PC: variants seen among roughly 807,000 people sequenced by gnomAD.
The protein encoded by PC is pyruvate carboxylase, mitochondrial.
In PC, 46 loss-of-function variants were observed where a neutral mutation model predicts 107.8. The ratio of observed to expected loss-of-function variants is 0.43; its 90% CI spans 0.34 to 0.55. The LOEUF is 0.55. PC is among the 20% of genes least tolerant of loss of function. The pLI is 0.04. For synonymous variants in PC, 662 were observed against 684.7 expected, an observed-to-expected ratio of 0.97 and a Z score of 0.52; for missense variants, 1,241 against 1,643.1, an observed-to-expected ratio of 0.76 and a Z score of 4.23.
chr11:66,951,981 G>T (rs528941246), intron 3 of PC, among the ~76,000 whole-genome samples: 1 of 152,030 alleles, frequency 6.6e-6, no homozygotes, highest in Admixed American at 6.5e-5. Flanking sequence ...CTTTTTCCCC[G>T]TTGTTACCGT....
chr11:66,882,651 C>T (rs1333742633), intron 3 of PC, among the ~76,000 whole-genome samples: 1 of 152,238 alleles, frequency 6.6e-6, no homozygotes. Context: ...AGGCTGTGCC[C>T]CTAGCCCCAG....
chr11:66,948,089 T>C (rs985810708), intron 3 of PC, among the ~76,000 whole-genome samples: 2 of 151,274 alleles, frequency 1.3e-5, no homozygotes, highest in Admixed American at 1.3e-4. Context: ...GGCACACACC[T>C]GTAGTTCCAG....
chr11:66,952,433 T>C lies in PC; in HGVS notation c.-4A>G, dbSNP rs1949461226. The C allele has an allele frequency of 6.6e-6, 1 of 152,200 alleles. No homozygotes were observed. The highest frequency in any genetic ancestry group is 2.1e-4 in the South Asian group (1 of 4,832). The allele number at this position is 152,200 out of a possible 1,614,324, so 9.4% of individuals were successfully genotyped here. A position where few individuals can be genotyped will look rare whatever the true frequency, so the allele number is the denominator to read the frequency against. On this transcript the variant is annotated 5_prime_UTR_variant, in exon 3 of 23. Coordinates refer to ENST00000393960, the MANE Select transcript of PC (RefSeq NM_001040716.2). ...TGGATTCAGGCACAGGACTTACCCT[T>C]AGTGTTTGGTCAGCTCTCCAGAAGG...
At chr11:66,943,755 CAAAAAAAAA>C (rs34245785) in intron 3 of PC, among the ~76,000 whole-genome samples, 41 of 17,578 alleles carry the variant, frequency 2.3e-3, no homozygotes, top group South Asian at 6.9e-3. Flanking sequence ...GACTCCGGCT[CAAAAAAAAA>C]AAAAAAAAAA....
intron 3 of PC, among the ~76,000 whole-genome samples, chr11:66,890,944 A>G (rs1947552982): frequency 6.6e-6 from 1 of 152,174 alleles, no homozygotes; most frequent in Non-Finnish European, 1.5e-5. Context: ...GTAGTCGATT[A>G]AAAGTGTTAA....
intron 3 of PC, among the ~76,000 whole-genome samples, chr11:66,889,849 C>T (rs902329661): frequency 2.0e-5 from 3 of 152,152 alleles, no homozygotes; most frequent in Non-Finnish European, 4.4e-5. Flanking sequence ...TTGTTGATTT[C>T]ACCTGGATAT....
At chr11:66,876,617 C>A (rs1280694328) in intron 3 of PC, among the ~76,000 whole-genome samples, 1 of 152,078 alleles carries the variant, frequency 6.6e-6, no homozygotes. Context: ...TATCACCCTG[C>A]TATCTCCCAC....
Position 66,871,967 on chromosome 11 carries a change from G to A in PC, c.136+57C>T. 6.4e-7 allele frequency: 1 copy of A among 1,561,984 alleles called. No individual in the cohort carries two copies. The highest frequency in any genetic ancestry group is 8.7e-7 in the Non-Finnish European group (1 of 1,153,296). ...GGGCCTGGGGCAGTGAGTGGGAGAA[G>A]AATGCCAAGGCTGGGGCGGCCATGA... is the stretch of plus-strand genomic sequence containing the variant. On this transcript the variant is annotated intron_variant, in intron 4 of 22. Transcript: ENST00000393960. The surrounding 1 kb of genome is among the most constrained non-coding windows in gnomAD (Gnocchi z 7.4).
At chr11:66,864,603 G>A (rs942124852) in intron 11 of PC, among the ~76,000 whole-genome samples, 1 of 152,244 alleles carries the variant, frequency 6.6e-6, no homozygotes, top group African/African-American at 2.4e-5. Flanking sequence ...GGAAGTGGGA[G>A]AGGAAATGAA....
In PC at chr11:66,850,669, C is replaced by A; in HGVS notation, c.2473+5G>T. 6.2e-7 allele frequency: 1 copy of A among 1,608,174 alleles called. No individual in the cohort carries two copies. The highest frequency in any genetic ancestry group is 8.5e-7 in the Non-Finnish European group (1 of 1,179,766). The stretch of plus-strand genomic sequence containing the variant: ...GGTGTGGCCACGGGCTGCTGTTCTT[C>A]CTACCTGTGTCCAGGGGAGTCCCTC... On this transcript the variant is annotated splice_donor_5th_base_variant and intron_variant, in intron 18 of 22. Transcript: ENST00000393960.
At chr11:66,868,244 G>A (rs1012901992) in intron 10 of PC, among the ~76,000 whole-genome samples, 5 of 152,118 alleles carry the variant, frequency 3.3e-5, no homozygotes, top group African/African-American at 1.2e-4. Context: ...AACCACCAAA[G>A]CCAGACACAC....
In PC at chr11:66,849,652, G is replaced by A. The variant is rs1945352343; in HGVS notation, c.3106C>T (p.Arg1036Cys). 3.1e-6 allele frequency: 5 copies of A among 1,614,178 alleles called. No individual in the cohort carries two copies. Among genetic ancestry groups the A allele is most frequent in the South Asian group, 1.1e-5 (1 of 91,086 alleles). Residue 1036 changes from arginine to cysteine, a missense_variant, in exon 21 of 23, where the codon CGC becomes TGC. Transcript: ENST00000393960. ...TFGPLDSLNT[R>C]LFLQGPKIAE... The stretch of plus-strand genomic sequence containing the variant: ...ATCTTGGGTCCCTGCAGGAAGAGGC[G>A]AGTATTCAGGCTATCCAGGGGGCCA...
At chr11:66,863,704 G>T in intron 12 of PC, 70 bp downstream of exon 12, 1 of 1,497,440 alleles carries the variant, frequency 6.7e-7, no homozygotes, top group Non-Finnish European at 9.1e-7. Flanking sequence ...GGCCCTTGGT[G>T]GGGAAGTGAA....
intron 12 of PC, chr11:66,859,041 T>C: frequency 6.6e-7 from 1 of 1,506,374 alleles, no homozygotes; most frequent in Non-Finnish European, 8.9e-7. Flanking sequence ...CGACCCAGTG[T>C]GGATGTTCCA....
intron 12 of PC, among the ~76,000 whole-genome samples, chr11:66,863,526 TGTGAGGACGAGCTCCGGCCAGGCCAC>T (rs1946364304): frequency 1.3e-5 from 2 of 152,050 alleles, no homozygotes; most frequent in African/African-American, 4.8e-5. Flanking sequence ...ACAGGAGGCA[TGTGAGGACGAGCTCCGGCCAGGCCAC>T]TGCCAGGGAC....
intron 12 of PC, 30 bp from the exon 13 acceptor site, chr11:66,853,413 C>A: frequency 1.2e-6 from 2 of 1,612,722 alleles, no homozygotes; most frequent in South Asian, 2.2e-5. Flanking sequence ...GGGAGGGGGT[C>A]ACCATGCAGC....
At chr11:66,926,933 C>T (rs992827278) in intron 3 of PC, among the ~76,000 whole-genome samples, 1 of 151,628 alleles carries the variant, frequency 6.6e-6, no homozygotes, top group African/African-American at 2.4e-5. Flanking sequence ...ATGGGTAGGC[C>T]ACATTTTGTT....
At position 66,857,925 on chromosome 11, in the gene PC, C is replaced by G; in HGVS notation, c.1369-4542G>C. On this transcript the variant is annotated intron_variant, in intron 12 of 22. Transcript: ENST00000393960. This position sits in a 1 kb window ranked among gnomAD's most constrained non-coding sequence, Gnocchi z 7.1. ...GCTGCGGCTGGCTGACAACTTCATC[C>G]AGGCCCTGGGGCCCCCTGACTTCCG... 1.9e-6 allele frequency: 3 copies of G among 1,612,416 alleles called. No homozygotes were observed. Among genetic ancestry groups the G allele is most frequent in the Non-Finnish European group, 2.5e-6 (3 of 1,179,922 alleles).
chr11:66,872,114 T>A lies in PC; in HGVS notation c.46A>T (p.Ile16Phe), dbSNP rs1211270154. The A allele has an allele frequency of 1.3e-6, 2 of 1,577,258 alleles. No individual in the cohort carries two copies. The highest frequency in any genetic ancestry group is 1.7e-6 in the Non-Finnish European group (2 of 1,162,352). Residue 16 changes from isoleucine (I) to phenylalanine (F), a missense_variant, in exon 4 of 23, where the codon ATC (isoleucine) becomes TTC (phenylalanine). By Grantham distance (21) the Ile-to-Phe change is conservative (BLOSUM62 0). Around this residue, in one of 2 missense-constraint regions of PC, gnomAD observed 1,143 missense variants for 1,551.9 expected, o/e 0.74. Coordinates refer to ENST00000393960, the MANE Select transcript of PC (RefSeq NM_001040716.2). ...TVHGGLRLLG[I>F]RRTSTAPAAS... ...GCGGGGGCGGTGGAGGTTCGGCGGA[T>A]TCCCAGGAGCCTCAGGCCCCCATGG...
Sources: gnomAD v4.1 joint callset for allele counts (sites outside exome capture counted in the v4.1 genomes callset) on GRCh38, gnomAD v4.1.1 for gene constraint, gnomAD v4.1.1 regional missense constraint, Gnocchi (gnomAD v3.1) non-coding constraint, MANE v1.5 for transcripts, NCBI Gene and HGNC (gene_info 2026-07-23, HGNC 2026-07-21) for gene names.